Variants in CDH19 observed in about 807,000 individuals in gnomAD.
CDH19 encodes cadherin-19.
A neutral mutation model predicts 64.2 loss-of-function variants in CDH19; 67 were observed. The observed-to-expected ratio is 1.04, with a 90% CI of 0.86 to 1.28. CDH19 has a LOEUF of 1.28. CDH19 is among the 50% of genes most tolerant of loss of function. The pLI, the probability that CDH19 is intolerant of heterozygous loss-of-function variation, is 0.00. For missense variants in CDH19, 1,030 were observed against 929.0 expected (o/e 1.11, Z -1.41); for synonymous variants, 346 against 319.3 (o/e 1.08, Z -0.89).
chr18:66,549,856 G>A (rs1358274531), intron 5 of CDH19, among the ~76,000 whole-genome samples: 4 of 151,968 alleles, frequency 2.6e-5, no homozygotes, highest in Non-Finnish European at 4.4e-5. Flanking sequence ...GGGTTTAAAA[G>A]CAAATTTGTA....
intron 5 of CDH19, among the ~76,000 whole-genome samples, chr18:66,546,553 A>C (rs938271696): frequency 6.6e-6 from 1 of 152,198 alleles, no homozygotes; most frequent in Non-Finnish European, 1.5e-5. Context: ...TTTATTGAAC[A>C]TAATTTTTAC....
At chr18:66,535,172 C>T (rs1986611552) in intron 7 of CDH19, 65 bp from the exon 8 acceptor site, 3 of 992,650 alleles carry the variant, frequency 3.0e-6, no homozygotes, top group Admixed American at 2.9e-5. Context: ...TTAGATAATA[C>T]TCTTTAAGCA....
chr18:66,572,023 T>G lies in CDH19; in HGVS notation c.182A>C (p.His61Pro). ...ATAAATAAGTACCTGGCCGATGTGATGACTAGTCGTATTCATTTCCTCTGG... is the reference window on the plus strand; with the variant it reads ...ATAAATAAGTACCTGGCCGATGTGAGGACTAGTCGTATTCATTTCCTCTGG... ...FVPEEMNTTSHHIGQLRSDLD... is the reference protein window; with the variant it reads ...FVPEEMNTTSPHIGQLRSDLD... Residue 61 changes from histidine to proline, a missense_variant, in exon 2 of 12, where the codon CAT becomes CCT. Coordinates refer to ENST00000262150, the MANE Select transcript of CDH19 (RefSeq NM_021153.4). The G allele has an allele frequency of 1.2e-6, 2 of 1,608,556 alleles. No individual in the cohort carries two copies. Among genetic ancestry groups the G allele is most frequent in the South Asian group, 1.1e-5 (1 of 90,842 alleles).
At chr18:66,596,975 G>A (rs1988909399) in intron 1 of CDH19, among the ~76,000 whole-genome samples, 1 of 146,046 alleles carries the variant, frequency 6.8e-6, no homozygotes, top group Admixed American at 6.9e-5. Context: ...CCAGCTACTT[G>A]GGAGGCTGAG....
chr18:66,596,308 C>A (rs1288819313), intron 1 of CDH19: 2 of 152,002 alleles, frequency 1.3e-5, no homozygotes, highest in East Asian at 3.9e-4. Flanking sequence ...GAAGTCCTAA[C>A]CAGAGAAATA....
intron 9 of CDH19, among the ~76,000 whole-genome samples, chr18:66,529,213 T>C (rs1986338658): frequency 6.6e-6 from 1 of 151,854 alleles, no homozygotes; most frequent in African/African-American, 2.4e-5. Context: ...AAACTCAGTT[T>C]TATTTGTGTT....
chr18:66,583,222 A>T (rs533242616), intron 1 of CDH19, among the ~76,000 whole-genome samples: 1 of 152,136 alleles, frequency 6.6e-6, no homozygotes, highest in African/African-American at 2.4e-5. Context: ...ACATATAAGC[A>T]TTGATAATTA....
intron 5 of CDH19, among the ~76,000 whole-genome samples, chr18:66,545,478 A>C (rs1987079503): frequency 6.7e-6 from 1 of 150,180 alleles, no homozygotes; most frequent in African/African-American, 2.5e-5. Context: ...TTGAAATATA[A>C]ATATTTTCTA....
Position 66,511,767 on chromosome 18 carries a change from T to C in CDH19, c.1459-82A>G. The C allele has an allele frequency of 6.9e-6, 5 of 727,162 alleles. No individual in the cohort carries two copies. The South Asian group carries it at 7.8e-5, about 11-fold the overall frequency. 45.0% of individuals were successfully genotyped at this position (727,162 alleles called of 1,614,324 possible). ...TGCTGCTATTATTATTAGCTTTTATTCACATTGCTTTATTACAATCAATAG... is the reference window on the plus strand; with the variant it reads ...TGCTGCTATTATTATTAGCTTTTATCCACATTGCTTTATTACAATCAATAG... On this transcript the variant is annotated intron_variant, in intron 9 of 11. Transcript: ENST00000262150.
chr18:66,590,595 T>C (rs994319135), intron 1 of CDH19, among the ~76,000 whole-genome samples: 5 of 151,804 alleles, frequency 3.3e-5, no homozygotes, highest in African/African-American at 1.2e-4. Flanking sequence ...TTTTTCAAAC[T>C]TTTCATAATT....
At chr18:66,540,947 C>A (rs1986863676) in intron 7 of CDH19, among the ~76,000 whole-genome samples, 1 of 151,842 alleles carries the variant, frequency 6.6e-6, no homozygotes, top group Non-Finnish European at 1.5e-5. Flanking sequence ...TGTTTGGGCT[C>A]CTCTAATTTT....
At position 66,510,371 on chromosome 18, in the gene CDH19, G is replaced by A. The variant is rs1985414987; in HGVS notation, c.1577-1125C>T. Among the ~76,000 whole-genome samples, 4 of 149,854 alleles carry A rather than the reference G, an allele frequency of 2.7e-5. No homozygotes were observed. In the South Asian group the frequency reaches 8.4e-4, roughly 31 times the overall value. On this transcript the variant is annotated intron_variant, in intron 10 of 11. Coordinates refer to ENST00000262150, the MANE Select transcript of CDH19 (RefSeq NM_021153.4). The stretch of plus-strand genomic sequence containing the variant: ...ACAAGCATTAAACCAAATCAATTTT[G>A]TATGCTTCAATGTATTTATTTCACC...
rs115346592 is a variant in CDH19 at position 66,601,922 on chromosome 18, G to A, written c.-113+2032C>T. On this transcript the variant is annotated intron_variant, in intron 1 of 11. Coordinates refer to ENST00000262150, the MANE Select transcript of CDH19 (RefSeq NM_021153.4). Reference sequence around the variant, plus strand: ...TCACTTTTGCAAAGACACTCATTTTGTCAATCAGGGGCTGTCTTCACCATT... The same window carrying A: ...TCACTTTTGCAAAGACACTCATTTTATCAATCAGGGGCTGTCTTCACCATT... Among the ~76,000 whole-genome samples, 1,135 of 151,938 alleles carry A rather than the reference G, an allele frequency of 7.5e-3. 13 individuals carry two copies. The highest frequency in any genetic ancestry group is 0.026 in the African/African-American group (1,085 of 41,508).
At position 66,509,028 on chromosome 18, in the gene CDH19, T is replaced by A. The variant is rs764104518; in HGVS notation, c.1795A>T (p.Ile599Phe). ...ATCATAATGCAAATGAGAATAGCAA[T>A]GATGACTTCTGTCTTGAATCCCATG... ...LSMGFKTEVI[I>F]AILICIMIIF... Residue 599 changes from isoleucine (I) to phenylalanine (F), a missense_variant, in exon 11 of 12, where the codon ATT (isoleucine) becomes TTT (phenylalanine). Ile to Phe is a conservative substitution (Grantham distance 21, BLOSUM62 0). Coordinates refer to ENST00000262150, the MANE Select transcript of CDH19 (RefSeq NM_021153.4). The A allele has an allele frequency of 1.2e-6, 2 of 1,612,002 alleles. No individual in the cohort carries two copies. The highest frequency in any genetic ancestry group is 1.7e-6 in the Non-Finnish European group (2 of 1,178,686).
rs1285787155 is a variant in CDH19, at chr18:66,553,614, G to C, written c.610+791C>G. Reference sequence around the variant, plus strand: ...TATTTTCCTTGTATTAAAAACCATAGAATTTTACTTCTTTGGCACTTCTCA... The same window carrying C: ...TATTTTCCTTGTATTAAAAACCATACAATTTTACTTCTTTGGCACTTCTCA... On this transcript the variant is annotated intron_variant, in intron 4 of 11. Coordinates refer to ENST00000262150, the MANE Select transcript of CDH19 (RefSeq NM_021153.4). Among the ~76,000 whole-genome samples the C allele has an allele frequency of 2.2e-5, 3 of 133,526 alleles. 1 individual carries two copies. The highest frequency in any genetic ancestry group is 4.6e-5 in the Non-Finnish European group (3 of 65,474). The allele number at this position is 133,526 out of a possible 152,430, so 87.6% of individuals were successfully genotyped here. A position where few individuals can be genotyped will look rare whatever the true frequency, so the allele number is the denominator to read the frequency against.
In CDH19 at chr18:66,504,997, C is replaced by A. The variant is rs116586793; in HGVS notation, c.2134G>T (p.Ala712Ser). 2.5e-6 allele frequency: 4 copies of A among 1,613,512 alleles called. No homozygotes were observed. In the East Asian group the frequency reaches 6.7e-5, roughly 27 times the overall value. ...GTCTGGAGGGAATCAAAAGGAGGGG[C>A]ACACGGATCAGTATTAGCTTCTTCG... ...KLEEANTDPC[A>S]PPFDSLQTYA... The change falls in exon 12 of 12, where the codon GCC (alanine) becomes TCC (serine). Residue 712 changes from alanine (A) to serine (S), a missense_variant. Physicochemically the swap from Ala to Ser is moderately conservative, Grantham distance 99. Transcript: ENST00000262150.
At chr18:66,536,329 G>A (rs1275505366) in intron 7 of CDH19, among the ~76,000 whole-genome samples, 1 of 151,596 alleles carries the variant, frequency 6.6e-6, no homozygotes, top group East Asian at 1.9e-4. Context: ...TAGAAATCAC[G>A]AGGAATTAAG....
chr18:66,520,347 T>G (rs961479532), intron 9 of CDH19, among the ~76,000 whole-genome samples: 4 of 151,328 alleles, frequency 2.6e-5, no homozygotes, highest in African/African-American at 9.7e-5. Context: ...AGCTGTTTTT[T>G]TTTTTTTTTT....
chr18:66,597,839 A>G (rs1038099799), intron 1 of CDH19, among the ~76,000 whole-genome samples: 3 of 152,104 alleles, frequency 2.0e-5, no homozygotes, highest in African/African-American at 7.2e-5. Context: ...GCCTATTAAA[A>G]AATGAGAACA....
Sources: allele counts gnomAD v4.1 joint callset (sites outside exome capture counted in the v4.1 genomes callset), GRCh38; gene constraint gnomAD v4.1.1; transcripts MANE v1.5; gene names NCBI Gene and HGNC (gene_info 2026-07-23, HGNC 2026-07-21).